Variants in PHF24 observed in about 807,000 individuals in gnomAD.
The protein encoded by PHF24 is PHD finger protein 24.
PHF24 carries 25 observed loss-of-function variants against 42.6 expected under a neutral mutation model. The observed-to-expected ratio is 0.59, with a 90% confidence interval of 0.43 to 0.82. The LOEUF is 0.82. PHF24 is among the 40% of genes least tolerant of loss of function. The pLI, the probability that PHF24 is intolerant of heterozygous loss-of-function variation, is 0.00. For missense variants in PHF24, 470 were observed against 538.1 expected (o/e 0.87, Z 1.25); for synonymous variants, 185 against 204.8 (o/e 0.90, Z 0.83).
At chr9:34,907,528 G>A in the PHF24 span, among the ~76,000 whole-genome samples, 10 of 152,138 alleles carry the variant, frequency 6.6e-5, no homozygotes, top group Admixed American at 6.5e-4. Flanking sequence ...GGGAACCTCT[G>A]CTCTGAAGAC....
At chr9:34,797,510 C>A in the PHF24 span, among the ~76,000 whole-genome samples, 1 of 152,150 alleles carries the variant, frequency 6.6e-6, no homozygotes, top group Non-Finnish European at 1.5e-5. Flanking sequence ...CGGAGTCGGG[C>A]AGCTCAGTGG....
the PHF24 span, among the ~76,000 whole-genome samples, chr9:34,934,835 A>G: frequency 6.6e-6 from 1 of 152,208 alleles, no homozygotes; most frequent in Non-Finnish European, 1.5e-5. Flanking sequence ...AGTCATGACA[A>G]TGATCAATTC....
At chr9:34,832,758 T>C in the PHF24 span, 1 of 1,550,216 alleles carries the variant, frequency 6.5e-7, no homozygotes, top group Non-Finnish European at 8.7e-7. Flanking sequence ...AGTTTGGCCC[T>C]GCAAAGGCTT....
the PHF24 span, among the ~76,000 whole-genome samples, chr9:34,793,477 G>A: frequency 6.3e-3 from 958 of 152,280 alleles, 8 homozygotes; most frequent in Middle Eastern, 0.038. Context: ...GAATGAAGCT[G>A]AAAAACCTGG....
At chr9:34,966,889 G>T (rs936495924) in intron 1 of PHF24, among the ~76,000 whole-genome samples, 7 of 151,872 alleles carry the variant, frequency 4.6e-5, no homozygotes, top group African/African-American at 1.7e-4. Flanking sequence ...TTTAATCACT[G>T]TAAAAAGAAT....
At chr9:34,856,228 G>A in the PHF24 span, among the ~76,000 whole-genome samples, 1 of 152,132 alleles carries the variant, frequency 6.6e-6, no homozygotes. Flanking sequence ...TGCTTCTTTA[G>A]CCCAGTGAAG....
At chr9:34,711,217 C>T in the PHF24 span, among the ~76,000 whole-genome samples, 2 of 151,498 alleles carry the variant, frequency 1.3e-5, no homozygotes, top group Non-Finnish European at 2.9e-5. Flanking sequence ...AAAAGTGGGG[C>T]TACAAACTAA....
At chr9:34,804,723 C>T in the PHF24 span, among the ~76,000 whole-genome samples, 2 of 152,176 alleles carry the variant, frequency 1.3e-5, no homozygotes, top group Non-Finnish European at 2.9e-5. Context: ...CTATAATATA[C>T]AGACTATAGC....
the PHF24 span, among the ~76,000 whole-genome samples, chr9:34,875,493 A>T: frequency 1.3e-5 from 2 of 152,150 alleles, no homozygotes; most frequent in Non-Finnish European, 2.9e-5. Flanking sequence ...CATATAATAA[A>T]AGTAGGATTG....
At chr9:34,735,051 A>G in the PHF24 span, among the ~76,000 whole-genome samples, 7 of 152,262 alleles carry the variant, frequency 4.6e-5, no homozygotes, top group African/African-American at 1.4e-4. Context: ...TCCTAGCAGA[A>G]GGAAAGGGGT....
the PHF24 span, among the ~76,000 whole-genome samples, chr9:34,849,110 A>G: frequency 6.6e-6 from 1 of 152,174 alleles, no homozygotes. Flanking sequence ...GTAGATGTCT[A>G]TTAGGTCCGC....
At chr9:34,883,967 A>G in the PHF24 span, among the ~76,000 whole-genome samples, 2 of 152,246 alleles carry the variant, frequency 1.3e-5, no homozygotes, top group East Asian at 1.9e-4. Context: ...AACCAGCCCA[A>G]ATGTCCATCA....
At chr9:34,866,332 C>T in the PHF24 span, among the ~76,000 whole-genome samples, 1 of 152,148 alleles carries the variant, frequency 6.6e-6, no homozygotes, top group Non-Finnish European at 1.5e-5. Flanking sequence ...TTTCTGTGTG[C>T]TTTTTCCCTC....
chr9:34,773,824 A>C, the PHF24 span, among the ~76,000 whole-genome samples: 4 of 152,186 alleles, frequency 2.6e-5, no homozygotes, highest in Non-Finnish European at 4.4e-5. Flanking sequence ...AAAAACAAGG[A>C]ATATCTAATA....
At chr9:34,909,715 G>A in the PHF24 span, among the ~76,000 whole-genome samples, 4 of 150,918 alleles carry the variant, frequency 2.7e-5, no homozygotes, top group African/African-American at 9.8e-5. Context: ...TCCGCCTCCC[G>A]GGCTCACGCC....
chr9:34,677,146 T>C, the PHF24 span, among the ~76,000 whole-genome samples: 2 of 152,218 alleles, frequency 1.3e-5, no homozygotes, highest in Non-Finnish European at 2.9e-5. Flanking sequence ...CTCCAGGGGC[T>C]CAGGCCTGAA....
the PHF24 span, chr9:34,709,105 C>T: frequency 7.6e-6 from 4 of 525,216 alleles, no homozygotes; most frequent in Non-Finnish European, 1.3e-5. Flanking sequence ...GTCCAGGGTC[C>T]TGATGATTCT....
At chr9:34,880,998 T>C in the PHF24 span, among the ~76,000 whole-genome samples, 1 of 152,150 alleles carries the variant, frequency 6.6e-6, no homozygotes, top group African/African-American at 2.4e-5. Context: ...ACAGAAATTA[T>C]AACAAATTGT....
chr9:34,842,360 A>G, the PHF24 span, among the ~76,000 whole-genome samples: 542 of 152,276 alleles, frequency 3.6e-3, 1 homozygote, highest in South Asian at 0.018. Flanking sequence ...CCAGGAGTAG[A>G]ATGACTGAAT....
Sources: allele counts gnomAD v4.1 joint callset (sites outside exome capture counted in the v4.1 genomes callset), GRCh38; gene constraint gnomAD v4.1.1; transcripts MANE v1.5; gene names NCBI Gene and HGNC (gene_info 2026-07-23, HGNC 2026-07-21).